The following MPP7 variants were observed in gnomAD, a reference collection of about 807,000 sequenced individuals.
MPP7 encodes MAGUK p55 scaffold protein 7.
MPP7 carries 60 observed loss-of-function variants against 76.5 expected under a neutral mutation model. The observed-to-expected ratio is 0.78, with a 90% CI of 0.64 to 0.97. The LOEUF (loss-of-function observed/expected upper bound fraction) is 0.97. MPP7 is among the 50% of genes least tolerant of loss of function. The probability of loss-of-function intolerance (pLI) is 0.00; values close to 1 mark genes in which losing one functional copy is unlikely to be tolerated. For synonymous variants in MPP7, 237 were observed against 244.5 expected (o/e 0.97, Z 0.29); for missense variants, 641 against 694.0 (o/e 0.92, Z 0.86).
chr10:28,218,785 T>A (rs912064925), intron 2 of MPP7, among the ~76,000 whole-genome samples: 7 of 152,076 alleles, frequency 4.6e-5, no homozygotes, highest in African/African-American at 1.7e-4. Context: ...AGAATTTTTT[T>A]TAAAAAATAA....
chr10:28,067,495 A>G (rs1852039135), intron 13 of MPP7, among the ~76,000 whole-genome samples: 1 of 152,238 alleles, frequency 6.6e-6, no homozygotes. Context: ...CCAGTGAAAC[A>G]TTACTATATG....
intron 1 of MPP7, among the ~76,000 whole-genome samples, chr10:28,247,360 A>G (rs1379055426): frequency 6.6e-6 from 1 of 152,238 alleles, no homozygotes; most frequent in South Asian, 2.1e-4. Context: ...ATGTCATAAT[A>G]CTAAAGTTAA....
Position 28,156,003 on chromosome 10 carries a change from G to C in MPP7, c.157-5944C>G, listed in dbSNP as rs149056657. ...AAACATATAGGCCCATTGTACGTTA[G>C]AGATTTAACTGTTATCTCCATAGAG... On this transcript the variant is annotated intron_variant, in intron 3 of 16. Coordinates refer to ENST00000683449, the MANE Select transcript of MPP7 (RefSeq NM_001318170.2). 3.9e-3 allele frequency among the ~76,000 whole-genome samples: 601 copies of C among 152,230 alleles called. 4 individuals carry two copies. Among genetic ancestry groups the C allele is most frequent in the African/African-American group, 0.014 (580 of 41,528 alleles).
chr10:28,218,008 A>C (rs1838370694), intron 2 of MPP7, among the ~76,000 whole-genome samples: 1 of 152,242 alleles, frequency 6.6e-6, no homozygotes, highest in African/African-American at 2.4e-5. Context: ...TGGGTTGATG[A>C]TTCATAGCTC....
intron 3 of MPP7, among the ~76,000 whole-genome samples, chr10:28,160,324 G>A (rs1464947493): frequency 1.3e-5 from 2 of 152,182 alleles, no homozygotes; most frequent in East Asian, 1.9e-4. Flanking sequence ...GTAAAGAGAT[G>A]TGTACCATGG....
chr10:28,060,359 T>C (rs73606037), intron 13 of MPP7, among the ~76,000 whole-genome samples: 6,343 of 152,250 alleles, frequency 0.042, 411 homozygotes, highest in African/African-American at 0.14. Context: ...GCAGAAAATA[T>C]AGGATTCATT....
At chr10:28,188,899 C>A (rs1209851898) in intron 3 of MPP7, among the ~76,000 whole-genome samples, 2 of 151,790 alleles carry the variant, frequency 1.3e-5, no homozygotes, top group Non-Finnish European at 2.9e-5. Context: ...GAAATAAAAA[C>A]TTTTTCAGAC....
chr10:28,216,230 T>C (rs185761580), intron 2 of MPP7, among the ~76,000 whole-genome samples: 111 of 150,720 alleles, frequency 7.4e-4, no homozygotes, highest in Non-Finnish European at 1.3e-3. Context: ...AAAAGGAGGA[T>C]TGCCTGAGCC....
intron 3 of MPP7, among the ~76,000 whole-genome samples, chr10:28,201,710 A>G (rs1837777458): frequency 6.6e-6 from 1 of 152,214 alleles, no homozygotes; most frequent in South Asian, 2.1e-4. Context: ...AATAAAAGGA[A>G]CAGCTTACTA....
chr10:28,113,333 T>A (rs1834562732), intron 11 of MPP7, among the ~76,000 whole-genome samples: 1 of 152,186 alleles, frequency 6.6e-6, no homozygotes, highest in Non-Finnish European at 1.5e-5. Flanking sequence ...CGAGGTATAC[T>A]GCTCTCCTCT....
intron 1 of MPP7, among the ~76,000 whole-genome samples, chr10:28,244,883 T>C (rs1207021726): frequency 6.6e-6 from 1 of 152,112 alleles, no homozygotes; most frequent in Non-Finnish European, 1.5e-5. Context: ...ATGAATGAAC[T>C]AGCACTTGCA....
chr10:28,215,044 A>G lies in MPP7; in HGVS notation c.38-12773T>C, dbSNP rs184286142. 3.5e-3 allele frequency among the ~76,000 whole-genome samples: 531 copies of G among 152,202 alleles called. 5 individuals carry two copies. Among genetic ancestry groups the G allele is most frequent in the African/African-American group, 0.011 (456 of 41,528 alleles). Reference sequence around the variant, plus strand: ...CTCAACCAGTTCTGCCATCTCACCCAGGAACAGAAAACAGCAAGAAAACCT... The same window carrying G: ...CTCAACCAGTTCTGCCATCTCACCCGGGAACAGAAAACAGCAAGAAAACCT... On this transcript the variant is annotated intron_variant, in intron 2 of 16. Coordinates refer to ENST00000683449, the MANE Select transcript of MPP7 (RefSeq NM_001318170.2).
rs182522273 is a variant in MPP7, at chr10:28,319,331, G to T, written c.-132+10598C>A. Among the ~76,000 whole-genome samples, 210 of 152,262 alleles carry T rather than the reference G, an allele frequency of 1.4e-3. 1 individual carries two copies. Among genetic ancestry groups the T allele is most frequent in the Non-Finnish European group, 2.3e-3 (158 of 68,018 alleles). On this transcript the variant is annotated intron_variant, in intron 2 of 11. Transcript: ENST00000441595. ...AACACTGGGGATTACATTTCAACAT[G>T]AGATTTGATTGGGCACACAGAGCCA...
chr10:28,135,429 C>T (rs548457365), intron 5 of MPP7, among the ~76,000 whole-genome samples: 19 of 152,200 alleles, frequency 1.2e-4, no homozygotes, highest in Admixed American at 4.6e-4. Context: ...TTGGCAATAT[C>T]TGGAGACAAT....
intron 2 of MPP7, among the ~76,000 whole-genome samples, chr10:28,234,758 G>GATTGTCAAAATCAAGGAAAGTC (rs1248021595): frequency 3.3e-5 from 5 of 152,126 alleles, no homozygotes; most frequent in Admixed American, 2.0e-4. Flanking sequence ...AAACTCTCAA[G>GATTGTCAAAATCAAGGAAAGTC]ATTGTCAAAA....
chr10:28,149,743 C>A (rs758076819), intron 4 of MPP7, among the ~76,000 whole-genome samples: 1 of 152,106 alleles, frequency 6.6e-6, no homozygotes, highest in Non-Finnish European at 1.5e-5. Flanking sequence ...ATGTCTATTA[C>A]GAAGTTACGA....
chr10:28,267,577 A>AT (rs975041981), intron 1 of MPP7, among the ~76,000 whole-genome samples: 18 of 152,170 alleles, frequency 1.2e-4, no homozygotes, highest in Non-Finnish European at 2.1e-4. Flanking sequence ...CAGATTTTGG[A>AT]TTTTCAGATT....
chr10:28,304,808 ATGTC>A (rs1268458996), upstream of MPP7, among the ~76,000 whole-genome samples: 1 of 152,226 alleles, frequency 6.6e-6, no homozygotes, highest in Non-Finnish European at 1.5e-5. Context: ...TAAATAATGT[ATGTC>A]TAAGATTATT....
chr10:28,251,685 G>A (rs569167854), intron 1 of MPP7, among the ~76,000 whole-genome samples: 24 of 152,178 alleles, frequency 1.6e-4, no homozygotes, highest in Admixed American at 3.3e-4. Flanking sequence ...TATCAACACA[G>A]AACTGATGCA....
Sources: allele counts gnomAD v4.1 joint callset (sites outside exome capture counted in the v4.1 genomes callset), GRCh38; gene constraint gnomAD v4.1.1; transcripts MANE v1.5; gene names NCBI Gene and HGNC (gene_info 2026-07-23, HGNC 2026-07-21).